SPMIP2: variants seen among roughly 807,000 people sequenced by gnomAD.
SPMIP2 encodes the protein sperm microtubule inner protein 2.
chr4:159,067,251 G>C, the SPMIP2 span, among the ~76,000 whole-genome samples: 81 of 152,222 alleles, frequency 5.3e-4, no homozygotes, highest in African/African-American at 1.8e-3. Context: ...ATATAGGTTT[G>C]AAAGGAATAA....
chr4:159,069,498 A>G, the SPMIP2 span, among the ~76,000 whole-genome samples: 1 of 150,954 alleles, frequency 6.6e-6, no homozygotes, highest in East Asian at 2.0e-4. Context: ...CAGTGGTGTG[A>G]TCATGGCTCA....
chr4:158,967,901 T>C, the SPMIP2 span, among the ~76,000 whole-genome samples: 1 of 152,162 alleles, frequency 6.6e-6, no homozygotes, highest in Non-Finnish European at 1.5e-5. Context: ...ACTCTCTTAC[T>C]TTTTTCCCCA....
the SPMIP2 span, among the ~76,000 whole-genome samples, chr4:159,077,639 A>G: frequency 6.6e-6 from 1 of 152,194 alleles, no homozygotes; most frequent in Non-Finnish European, 1.5e-5. Context: ...TTACACTTTT[A>G]AAATTTATTG....
the SPMIP2 span, among the ~76,000 whole-genome samples, chr4:159,003,125 C>T: frequency 3.3e-5 from 5 of 152,176 alleles, no homozygotes; most frequent in African/African-American, 1.2e-4. Context: ...CAAGTTTATA[C>T]CACTCTCTGT....
At chr4:159,082,147 A>C in the SPMIP2 span, among the ~76,000 whole-genome samples, 3 of 141,946 alleles carry the variant, frequency 2.1e-5, no homozygotes, top group Admixed American at 7.4e-5. Flanking sequence ...GCAAAACCCT[A>C]TCTCTGCTAA....
chr4:159,039,632 G>T, the SPMIP2 span, among the ~76,000 whole-genome samples: 1 of 152,220 alleles, frequency 6.6e-6, no homozygotes, highest in African/African-American at 2.4e-5. Context: ...ATAAAGTATT[G>T]TGACAGCGAC....
the SPMIP2 span, among the ~76,000 whole-genome samples, chr4:158,988,432 G>A: frequency 2.6e-5 from 4 of 151,778 alleles, no homozygotes; most frequent in East Asian, 3.9e-4. Flanking sequence ...TGGCAGAGAT[G>A]CAACAAAAAA....
the SPMIP2 span, among the ~76,000 whole-genome samples, chr4:158,900,648 G>T: frequency 6.6e-6 from 1 of 152,080 alleles, no homozygotes; most frequent in Non-Finnish European, 1.5e-5. Flanking sequence ...TCAGGACTAG[G>T]ACTACAACCC....
the SPMIP2 span, among the ~76,000 whole-genome samples, chr4:159,080,549 G>A: frequency 6.6e-6 from 1 of 152,030 alleles, no homozygotes; most frequent in East Asian, 1.9e-4. Context: ...ATTCATAAAT[G>A]GGCAGTAACT....
chr4:158,967,596 G>C, the SPMIP2 span, among the ~76,000 whole-genome samples: 1 of 152,152 alleles, frequency 6.6e-6, no homozygotes, highest in Admixed American at 6.6e-5. Context: ...GCTTTATTAT[G>C]TTTCTAAAAT....
chr4:159,067,846 A>G, the SPMIP2 span, among the ~76,000 whole-genome samples: 1 of 152,316 alleles, frequency 6.6e-6, no homozygotes, highest in Admixed American at 6.5e-5. Context: ...AAAAGTGGGC[A>G]AAGGATATGA....
the SPMIP2 span, among the ~76,000 whole-genome samples, chr4:158,999,554 T>C: frequency 6.6e-6 from 1 of 152,230 alleles, no homozygotes; most frequent in Non-Finnish European, 1.5e-5. Context: ...AAATATTTAA[T>C]GGTGTAAAGC....
the SPMIP2 span, among the ~76,000 whole-genome samples, chr4:159,037,444 C>CTT: frequency 2.1e-3 from 305 of 143,822 alleles, 2 homozygotes; most frequent in African/African-American, 6.6e-3. Context: ...CTGTTCCTTC[C>CTT]TTTTTTTTTT....
the SPMIP2 span, among the ~76,000 whole-genome samples, chr4:159,077,422 A>C: frequency 6.6e-6 from 1 of 152,178 alleles, no homozygotes; most frequent in Admixed American, 6.5e-5. Context: ...CTGGGATTAC[A>C]AGTGTGAGCC....
chr4:158,921,284 CA>C, the SPMIP2 span, among the ~76,000 whole-genome samples: 1 of 152,088 alleles, frequency 6.6e-6, no homozygotes, highest in African/African-American at 2.4e-5. Context: ...ACTAAAAATA[CA>C]AAAATAATTA....
At chr4:158,975,976 G>A in the SPMIP2 span, among the ~76,000 whole-genome samples, 3 of 152,132 alleles carry the variant, frequency 2.0e-5, no homozygotes, top group South Asian at 6.2e-4. Context: ...TTATTTCCTC[G>A]AACAGTGGTT....
chr4:158,933,667 G>C, the SPMIP2 span, among the ~76,000 whole-genome samples: 1 of 151,994 alleles, frequency 6.6e-6, no homozygotes, highest in Admixed American at 6.6e-5. Context: ...TTTCCTCTTG[G>C]ACTTGCAAAA....
the SPMIP2 span, among the ~76,000 whole-genome samples, chr4:159,006,967 T>C: frequency 0.34 from 51,585 of 152,074 alleles, 9,338 homozygotes; most frequent in Middle Eastern, 0.4. Context: ...ATTAAGCCAA[T>C]GTTTAACATT....
the SPMIP2 span, among the ~76,000 whole-genome samples, chr4:159,003,579 G>A: frequency 2.0e-5 from 3 of 152,138 alleles, no homozygotes; most frequent in Non-Finnish European, 2.9e-5. Flanking sequence ...ACAGTACGGC[G>A]CCTCAGATAA....
Sources: allele counts gnomAD v4.1 joint callset (sites outside exome capture counted in the v4.1 genomes callset), GRCh38; gene constraint gnomAD v4.1.1; transcripts MANE v1.5; gene names NCBI Gene and HGNC (gene_info 2026-07-23, HGNC 2026-07-21).